HSPD1: variants seen among roughly 807,000 people sequenced by gnomAD.
The protein encoded by HSPD1 is 60 kDa heat shock protein, mitochondrial.
In HSPD1, 3 loss-of-function variants were observed where a neutral mutation model predicts 53.0. That is an observed-to-expected ratio of 0.06 (90% CI 0.03 to 0.15). The LOEUF (loss-of-function observed/expected upper bound fraction) is 0.15. HSPD1 is among the 10% of genes least tolerant of loss of function. HSPD1 has a pLI of 1.00. For synonymous variants in HSPD1, 200 were observed against 228.0 expected (o/e 0.88, Z 1.10); for missense variants, 431 against 694.1 (o/e 0.62, Z 4.26).
upstream of HSPD1, chr2:197,500,024 A>C (rs113661821): frequency 2.4e-4 from 43 of 181,498 alleles, 3 homozygotes; most frequent in African/African-American, 1.0e-3. Context: ...TAGCGCGCTC[A>C]GCCCTCTCCG....
intron 2 of HSPD1, among the ~76,000 whole-genome samples, chr2:197,497,869 G>C (rs565082203): frequency 6.6e-6 from 1 of 152,280 alleles, no homozygotes; most frequent in East Asian, 1.9e-4. Flanking sequence ...CTTTGGATTT[G>C]AACTAAAGCT....
In HSPD1 at chr2:197,489,026, A is replaced by G; in HGVS notation, c.1191T>C (p.Leu397=). The stretch of plus-strand genomic sequence containing the variant: ...CCTTCAGCACAGCCACTCCATCTGA[A>G]AGTTTTGCAAGCCGTTCATTCAGTT... The part of the protein sequence containing the change: ...KEKLNERLAK[L]SDGVAVLKVG... The change falls in exon 9 of 12, where the codon CTT becomes CTC. Residue 397 remains leucine (L), a synonymous_variant. Coordinates refer to ENST00000388968, the MANE Select transcript of HSPD1 (RefSeq NM_002156.5). 1 of 1,613,958 alleles carries G rather than the reference A, an allele frequency of 6.2e-7. No individual in the cohort carries two copies. The highest frequency in any genetic ancestry group is 1.3e-5 in the African/African-American group (1 of 75,050).
Position 197,495,393 on chromosome 2 carries a change from T to G in HSPD1, c.428-17A>C. The G allele has an allele frequency of 6.8e-7, 1 of 1,479,882 alleles. No individual in the cohort carries two copies. The allele number at this position is 1,479,882 out of a possible 1,614,324, so 91.7% of individuals were successfully genotyped here. On this transcript the variant is annotated splice_polypyrimidine_tract_variant and intron_variant, in intron 3 of 11. Transcript: ENST00000388968. Reference sequence around the variant, plus strand: ...ACATCACACCTAGTTCAACGATATATGTCATTACAATGTTTATTTCTCTCA... The same window carrying G: ...ACATCACACCTAGTTCAACGATATAGGTCATTACAATGTTTATTTCTCTCA...
chr2:197,497,012 T>C, intron 3 of HSPD1, 128 bp downstream of exon 3: 1 of 956,284 alleles, frequency 1.0e-6, no homozygotes, highest in Admixed American at 1.9e-5. Context: ...TTAAGATTTC[T>C]CCAGGCCAAG....
intron 3 of HSPD1, among the ~76,000 whole-genome samples, chr2:197,496,162 A>G (rs2340690): frequency 0.16 from 24,045 of 152,202 alleles, 2,155 homozygotes; most frequent in Middle Eastern, 0.28. Flanking sequence ...CGTATTATGA[A>G]CTAACAAAAT....
Position 197,489,105 on chromosome 2 carries a change from A to T in HSPD1, c.1112T>A (p.Ile371Asn). Residue 371 changes from isoleucine (I) to asparagine (N), a missense_variant, in exon 9 of 12, where the codon ATT (isoleucine) becomes AAT (asparagine). Transcript: ENST00000388968. Reference sequence around the variant, plus strand: ...ATCTAACTGCTCAATGATTTCTTGAATACGTTTTTCAATTTGAGCCTTGTC... The same window carrying T: ...ATCTAACTGCTCAATGATTTCTTGATTACGTTTTTCAATTTGAGCCTTGTC... ...KGDKAQIEKR[I>N]QEIIEQLDVT... The T allele has an allele frequency of 6.2e-7, 1 of 1,614,022 alleles. No individual in the cohort carries two copies. Among genetic ancestry groups the T allele is most frequent in the Non-Finnish European group, 8.5e-7 (1 of 1,179,928 alleles).
Position 197,494,303 on chromosome 2 carries a change from G to C in HSPD1, c.607-53C>G, listed in dbSNP as rs7585486. The C allele has an allele frequency of 0.16, 146,663 of 899,428 alleles. 13,129 individuals are homozygous for C. Among genetic ancestry groups the C allele is most frequent in the East Asian group, 0.23 (9,615 of 41,570 alleles). The allele number at this position is 899,428 out of a possible 1,614,324, so 55.7% of individuals were successfully genotyped here. On this transcript the variant is annotated intron_variant, in intron 5 of 11. Transcript: ENST00000388968. The stretch of plus-strand genomic sequence containing the variant: ...TGGATTTCATTGAACACAAAACATG[G>C]AATTACAGGCCAGATTAATAAAAAC...
chr2:197,496,600 A>G (rs1315698592), intron 3 of HSPD1, among the ~76,000 whole-genome samples: 1 of 152,264 alleles, frequency 6.6e-6, no homozygotes, highest in Non-Finnish European at 1.5e-5. Flanking sequence ...CTATACTGCC[A>G]TGAACCTCAT....
intron 7 of HSPD1, chr2:197,490,552 C>T (rs775623599): frequency 1.1e-4 from 48 of 445,626 alleles, no homozygotes; most frequent in African/African-American, 3.0e-4. Context: ...TTGGCCTGGC[C>T]GGGCGTGGTG....
At chr2:197,494,294 C>T (rs2086130281) in intron 5 of HSPD1, 44 bp from the exon 6 acceptor site, 2 of 960,238 alleles carry the variant, frequency 2.1e-6, no homozygotes, top group East Asian at 2.4e-5. Flanking sequence ...TCATTGAACA[C>T]AAAACATGGA....
At position 197,499,787 on chromosome 2, in the gene HSPD1, G is replaced by GGGC. The variant is rs2086220451; in HGVS notation, c.-11_-9dup. On this transcript the variant is annotated 5_prime_UTR_variant, in exon 1 of 12. Transcript: ENST00000388968. The stretch of plus-strand genomic sequence containing the variant: ...GGTGCGGGAAGGCCGCGTACCTGCG[G>GGGC]GGCGGCGGCAAGGCGTGCGCTCGGC... The GGGC allele has an allele frequency of 6.6e-6, 1 of 152,328 alleles. No individual in the cohort carries two copies. The highest frequency in any genetic ancestry group is 2.4e-5 in the African/African-American group (1 of 41,466). The allele number at this position is 152,328 out of a possible 1,614,324, so 9.4% of individuals were successfully genotyped here.
intron 7 of HSPD1, among the ~76,000 whole-genome samples, chr2:197,491,459 C>A (rs1192983757): frequency 6.6e-6 from 1 of 152,068 alleles, no homozygotes; most frequent in Admixed American, 6.6e-5. Context: ...CACGCCCAGC[C>A]AAGTCTTTTC....
chr2:197,487,827 AAG>A, intron 11 of HSPD1, 29 bp downstream of exon 11: 1 of 1,589,252 alleles, frequency 6.3e-7, no homozygotes, highest in Non-Finnish European at 8.6e-7. Flanking sequence ...TGAACAACAA[AAG>A]AATTTTTAGA....
intron 1 of HSPD1, 85 bp from the exon 2 acceptor site, chr2:197,498,935 G>A (rs1339197790): frequency 1.1e-5 from 14 of 1,234,602 alleles, no homozygotes; most frequent in Non-Finnish European, 1.6e-5. Context: ...AACAGAGCAA[G>A]CAACGTGAGA....
intron 7 of HSPD1, 87 bp from the exon 8 acceptor site, chr2:197,490,383 G>GGACT (rs2086076172): frequency 2.0e-5 from 20 of 1,024,518 alleles, no homozygotes; most frequent in South Asian, 1.6e-4. Flanking sequence ...AGATTACTTA[G>GGACT]GACTCCCTAA....
intron 3 of HSPD1, 117 bp downstream of exon 3, chr2:197,497,023 A>G: frequency 9.7e-7 from 1 of 1,034,694 alleles, no homozygotes; most frequent in South Asian, 1.3e-5. Flanking sequence ...CCAGGCCAAG[A>G]GGAGGAATGA....
At chr2:197,496,160 G>C (rs2106078226) in intron 3 of HSPD1, among the ~76,000 whole-genome samples, 1 of 152,264 alleles carries the variant, frequency 6.6e-6, no homozygotes, top group Admixed American at 6.5e-5. Context: ...TACGTATTAT[G>C]AACTAACAAA....
chr2:197,495,280 TG>T lies in HSPD1; in HGVS notation c.510+13del. The T allele has an allele frequency of 6.5e-7, 1 of 1,531,834 alleles. No homozygotes were observed. The highest frequency in any genetic ancestry group is 9.0e-7 in the Non-Finnish European group (1 of 1,105,754). 94.9% of individuals were successfully genotyped at this position (1,531,834 alleles called of 1,614,324 possible). ...AATTTTTTTTAAAAAACGTGTAACA[TG>T]TTAAGTCCTTACCTGTGCAATTTCT... On this transcript the variant is annotated intron_variant, in intron 4 of 11. Transcript: ENST00000388968.
At chr2:197,493,213 AC>A in intron 7 of HSPD1, 110 bp downstream of exon 7, 1 of 931,184 alleles carries the variant, frequency 1.1e-6, no homozygotes, top group Non-Finnish European at 1.8e-6. Context: ...CTAGATACAA[AC>A]CCAACTGGAT....
Sources: gnomAD v4.1 joint callset for allele counts (sites outside exome capture counted in the v4.1 genomes callset) on GRCh38, gnomAD v4.1.1 for gene constraint, MANE v1.5 for transcripts, NCBI Gene and HGNC (gene_info 2026-07-23, HGNC 2026-07-21) for gene names.